The following MMP28 variants were observed in gnomAD, a reference collection of about 807,000 sequenced individuals.
MMP28 encodes matrix metalloproteinase-28.
In MMP28, 55 loss-of-function variants were observed where a neutral mutation model predicts 60.5. The observed-to-expected ratio is 0.91, with a 90% CI of 0.73 to 1.14. The LOEUF (loss-of-function observed/expected upper bound fraction) is 1.14, where lower values mean the gene tolerates loss of function less well. Among genes scored for constraint, MMP28 ranks in the 50% most tolerant of loss-of-function variants. The probability of loss-of-function intolerance (pLI) is 0.00; values close to 1 mark genes in which losing one functional copy is unlikely to be tolerated. For missense variants in MMP28, 686 were observed against 738.3 expected (o/e 0.93, Z 0.82); for synonymous variants, 318 against 312.5 (o/e 1.02, Z -0.18).
At chr17:35,760,491 A>G (rs78518141) in intron 2 of MMP28, among the ~76,000 whole-genome samples, 3,157 of 152,330 alleles carry the variant, frequency 0.021, 64 homozygotes, top group East Asian at 0.11. Context: ...TAAGACAGGA[A>G]GAGGAAGACA....
Position 35,783,766 on chromosome 17 carries a change from G to A in MMP28, c.112-4443C>T, listed in dbSNP as rs182272851. On this transcript the variant is annotated intron_variant, in intron 1 of 7. Transcript: ENST00000605424. ...AGTACTCTGGCAGGCAAGACGGGGT[G>A]GAGGGCAGGATGGGGGTTGGGGGTG... Among the ~76,000 whole-genome samples the A allele has an allele frequency of 1.3e-3, 200 of 152,198 alleles. 1 individual carries two copies. The highest frequency in any genetic ancestry group is 4.7e-3 in the African/African-American group (195 of 41,532).
chr17:35,760,993 G>A (rs781787047), downstream of MMP28: 6 of 1,598,550 alleles, frequency 3.8e-6, no homozygotes, highest in Non-Finnish European at 5.1e-6. Context: ...TGGAGGACAG[G>A]ACCTCTTGAC....
At chr17:35,787,892 T>C (rs1457366083) in intron 1 of MMP28, among the ~76,000 whole-genome samples, 2 of 149,938 alleles carry the variant, frequency 1.3e-5, no homozygotes, top group Non-Finnish European at 3.0e-5. Flanking sequence ...ACTCTTTTTT[T>C]CTTTCCCTTT....
rs1009727691 is a variant in MMP28, at chr17:35,779,287, C to T, written c.148G>A (p.Val50Ile). 2 of 1,613,264 alleles carry T rather than the reference C, an allele frequency of 1.2e-6. No individual in the cohort carries two copies. The highest frequency in any genetic ancestry group is 2.7e-5 in the African/African-American group (2 of 74,872). Residue 50 changes from valine to isoleucine, a missense_variant, in exon 2 of 8, where the codon GTC becomes ATC. Coordinates refer to ENST00000605424, the MANE Select transcript of MMP28 (RefSeq NM_024302.5). ...LEKYGYLNEQVPKAPTSTRFS... is the reference protein window; with the variant it reads ...LEKYGYLNEQIPKAPTSTRFS... Reference sequence around the variant, plus strand: ...CGAGTGGAGGTGGGAGCTTTGGGGACCTGTTCATTGAGGTATCCGTACTTC... The same window carrying T: ...CGAGTGGAGGTGGGAGCTTTGGGGATCTGTTCATTGAGGTATCCGTACTTC...
chr17:35,795,641 G>A lies in MMP28; in HGVS notation c.-264C>T. ...CCGGCCCCGGGGACCGAGGGAGGGA[G>A]GAAGGAAAGGCAGGCGGAGGGGGCG... On this transcript the variant is annotated 5_prime_UTR_variant, in exon 1 of 8. Coordinates refer to ENST00000605424, the MANE Select transcript of MMP28 (RefSeq NM_024302.5). The A allele has an allele frequency of 3.0e-6, 1 of 330,678 alleles. No homozygotes were observed. Among genetic ancestry groups the A allele is most frequent in the Non-Finnish European group, 5.5e-6 (1 of 182,580 alleles). 20.5% of individuals were successfully genotyped at this position (330,678 alleles called of 1,614,324 possible).
intron 1 of MMP28, among the ~76,000 whole-genome samples, chr17:35,792,188 C>T (rs551377893): frequency 2.6e-5 from 4 of 152,110 alleles, no homozygotes; most frequent in Admixed American, 1.3e-4. Context: ...TCTCAGCAAT[C>T]GTGGGGTCTA....
Position 35,770,146 on chromosome 17 carries a change from G to A in MMP28, c.771C>T (p.Leu257=). Residue 257 remains leucine, a synonymous_variant, in exon 5 of 8, where the codon CTC becomes CTT. Transcript: ENST00000605424. ...CCAGCCTCTTGTAGTAGGGCGCCAT[G>A]AGCGCGCGCGGCGCGGGCGAGTGGG... ...GLTHSPAPRA[L]MAPYYKRLGR... The A allele has an allele frequency of 6.2e-7, 1 of 1,607,310 alleles. No homozygotes were observed. Among genetic ancestry groups the A allele is most frequent in the South Asian group, 1.1e-5 (1 of 90,316 alleles).
chr17:35,760,958 A>G, downstream of MMP28: 1 of 1,613,312 alleles, frequency 6.2e-7, no homozygotes. Flanking sequence ...AAGCATGGTG[A>G]GTGGGGCTGG....
intron 5 of MMP28, 75 bp downstream of exon 5, chr17:35,769,992 A>T: frequency 2.7e-6 from 4 of 1,459,444 alleles, no homozygotes; most frequent in Non-Finnish European, 3.6e-6. Flanking sequence ...TCCTATTTGC[A>T]GAGCCGGCGT....
chr17:35,786,963 A>T (rs1555610637), intron 1 of MMP28, among the ~76,000 whole-genome samples: 1 of 152,046 alleles, frequency 6.6e-6, no homozygotes, highest in East Asian at 1.9e-4. Flanking sequence ...TGACAGAACC[A>T]GTACTCTAAT....
exon 3 of MMP28, chr17:35,756,302 G>T: frequency 1.7e-6 from 1 of 603,734 alleles, no homozygotes; most frequent in Non-Finnish European, 2.1e-6. Context: ...ATCCAAAGTA[G>T]GCAAGTGGCT....
intron 2 of MMP28, among the ~76,000 whole-genome samples, chr17:35,759,609 G>A (rs1437774556): frequency 1.3e-5 from 2 of 152,160 alleles, no homozygotes; most frequent in Admixed American, 1.3e-4. Context: ...GCTGAGGCAG[G>A]AGAATTGCTT....
intron 1 of MMP28, among the ~76,000 whole-genome samples, chr17:35,780,791 C>T (rs1038946624): frequency 1.3e-5 from 2 of 150,984 alleles, no homozygotes; most frequent in African/African-American, 4.9e-5. Context: ...GCCGAGATCA[C>T]GCAGCTGCAC....
chr17:35,768,777 G>A (rs1033420570), intron 5 of MMP28, among the ~76,000 whole-genome samples: 16 of 152,046 alleles, frequency 1.1e-4, no homozygotes. Context: ...GCCACTGCAC[G>A]CTAGCCTGGG....
chr17:35,770,768 A>C (rs1437362088), intron 4 of MMP28, among the ~76,000 whole-genome samples: 1 of 151,774 alleles, frequency 6.6e-6, no homozygotes, highest in Non-Finnish European at 1.5e-5. Context: ...CAAATGATGC[A>C]GCAGGGTGTG....
In MMP28 at chr17:35,778,998, CG is replaced by C. The variant is rs751355796; in HGVS notation, c.268del (p.Arg90AlafsTer28). The C allele has an allele frequency of 1.9e-6, 3 of 1,614,078 alleles. No individual in the cohort carries two copies. Among genetic ancestry groups the C allele is most frequent in the South Asian group, 2.2e-5 (2 of 91,084 alleles). On this transcript the variant is annotated frameshift_variant, in exon 3 of 8. Coordinates refer to ENST00000605424, the MANE Select transcript of MMP28 (RefSeq NM_024302.5). LOFTEE classifies it high-confidence loss of function. ...RATLRQMTRP[R>X]CGVTDTNSYA... Reference sequence around the variant, plus strand: ...ACTGTTGGTATCTGTAACCCCGCAGCGGGGACGAGTCATCTGGCGCAGGGTG... The same window carrying C: ...ACTGTTGGTATCTGTAACCCCGCAGCGGGACGAGTCATCTGGCGCAGGGTG...
At chr17:35,786,049 C>T (rs945419538) in intron 1 of MMP28, among the ~76,000 whole-genome samples, 2 of 149,718 alleles carry the variant, frequency 1.3e-5, no homozygotes, top group Non-Finnish European at 3.0e-5. Flanking sequence ...GTAGTACTCA[C>T]CTTCTTGTTT....
In MMP28 at chr17:35,766,984, T is replaced by G. The variant is rs1555603737; in HGVS notation, c.1169-90A>C. The G allele has an allele frequency of 8.1e-7, 1 of 1,231,510 alleles. No individual in the cohort carries two copies. Among genetic ancestry groups the G allele is most frequent in the East Asian group, 2.5e-5 (1 of 39,462 alleles). The allele number at this position is 1,231,510 out of a possible 1,614,324, so 76.3% of individuals were successfully genotyped here. On this transcript the variant is annotated intron_variant, in intron 7 of 7. Coordinates refer to ENST00000605424, the MANE Select transcript of MMP28 (RefSeq NM_024302.5). This position sits in a 1 kb window ranked among gnomAD's most constrained non-coding sequence, Gnocchi z 4.3. ...TCTGTCCCCCATACCTCTGCTCTCC[T>G]TTAAGCTGGAGCCCACGATGGTTGG...
chr17:35,781,298 T>A (rs1384804616), intron 1 of MMP28, among the ~76,000 whole-genome samples: 1 of 152,188 alleles, frequency 6.6e-6, no homozygotes, highest in African/African-American at 2.4e-5. Flanking sequence ...ATTTAATGTA[T>A]GAGGAAGCCT....
Sources: allele counts gnomAD v4.1 joint callset (sites outside exome capture counted in the v4.1 genomes callset), GRCh38; gene constraint gnomAD v4.1.1; non-coding constraint Gnocchi (gnomAD v3.1); transcripts MANE v1.5; gene names NCBI Gene and HGNC (gene_info 2026-07-23, HGNC 2026-07-21).